The following SHOX variants were observed in gnomAD, a reference collection of about 807,000 sequenced individuals.
SHOX encodes the protein short stature homeobox protein.
Under a neutral mutation model 29.6 loss-of-function variants are expected in SHOX, and 12 were observed. The observed-to-expected ratio is 0.41, with a 90% CI of 0.26 to 0.66. The LOEUF (loss-of-function observed/expected upper bound fraction) is 0.66, where lower values mean the gene tolerates loss of function less well. Ranked by LOEUF, SHOX falls within the 30% of genes least tolerant of loss-of-function variation. SHOX has a pLI of 0.35. For missense variants in SHOX, 499 were observed against 437.7 expected (o/e 1.14, Z -1.25); for synonymous variants, 214 against 200.6 (o/e 1.07, Z -0.57).
chrX:630,768 A>C, upstream of SHOX: 1 of 1,169,128 alleles, frequency 8.6e-7, no homozygotes, highest in Non-Finnish European at 1.3e-6. Context: ...GCGTATAAAT[A>C]GTGAGATTTC....
chrX:638,005 T>A (rs1023985960), intron 2 of SHOX, among the ~76,000 whole-genome samples: 2 of 152,160 alleles, frequency 1.3e-5, no homozygotes, highest in Non-Finnish European at 2.9e-5. Flanking sequence ...ACAAATATCT[T>A]TGGGTTTATG....
At chrX:634,870 TGGTCCTCG>T in intron 2 of SHOX, 44 bp downstream of exon 2, 1 of 1,536,876 alleles carries the variant, frequency 6.5e-7, no homozygotes, top group Non-Finnish European at 8.8e-7. Flanking sequence ...AGCCATCGCC[TGGTCCTCG>T]GGAGCGCACA....
rs751747648 is a variant in SHOX, at chrX:630,998, C to G, written c.101C>G (p.Thr34Arg). ...GGGGGKKDSI[T>R]YREVLESGLA... ...GGCGGAGGTAAGAAGGATTCCATTA[C>G]GTACCGGGAAGTTTTGGAGAGCGGA... Residue 34 changes from threonine to arginine, a missense_variant, in exon 1 of 5, where the codon ACG becomes AGG. Coordinates refer to ENST00000686671, the MANE Select transcript of SHOX (RefSeq NM_000451.4). The G allele has an allele frequency of 1.2e-6, 2 of 1,613,886 alleles. No homozygotes were observed. The highest frequency in any genetic ancestry group is 1.7e-5 in the Admixed American group (1 of 60,022).
intron 2 of SHOX, among the ~76,000 whole-genome samples, chrX:635,171 C>T (rs1158533281): frequency 6.6e-6 from 1 of 152,094 alleles, no homozygotes; most frequent in Non-Finnish European, 1.5e-5. Context: ...CATATATTGG[C>T]TCCTGACTGC....
intron 2 of SHOX, among the ~76,000 whole-genome samples, chrX:635,949 G>T (rs780583658): frequency 6.6e-6 from 1 of 152,054 alleles, no homozygotes; most frequent in Admixed American, 6.6e-5. Context: ...TTGCCGACCA[G>T]AGAGAGAACC....
At chrX:651,641 GA>G (rs553983413), downstream of SHOX, among the ~76,000 whole-genome samples, 47,920 of 107,474 alleles carry the variant, frequency 0.45, 10,701 homozygotes, top group East Asian at 0.62. Flanking sequence ...AGGCTTATTG[GA>G]AAAAAAAAAA....
chrX:653,219 C>T (rs1465835077), downstream of SHOX, among the ~76,000 whole-genome samples: 3 of 152,028 alleles, frequency 2.0e-5, no homozygotes, highest in African/African-American at 4.8e-5. Flanking sequence ...CCAGCCTGGG[C>T]GACAGAGCCA....
chrX:634,317 C>G (rs2052702032), intron 1 of SHOX, among the ~76,000 whole-genome samples: 1 of 147,908 alleles, frequency 6.8e-6, no homozygotes, highest in South Asian at 2.2e-4. Context: ...TTTGACACCC[C>G]ACTCTCCTTA....
chrX:641,669 G>A (rs1313023205), intron 4 of SHOX, among the ~76,000 whole-genome samples: 2 of 133,128 alleles, frequency 1.5e-5, no homozygotes, highest in African/African-American at 5.9e-5. Flanking sequence ...GACAGAGTGA[G>A]ACTCCAAGAC....
upstream of SHOX, among the ~76,000 whole-genome samples, chrX:627,046 T>G (rs912462583): frequency 4.8e-5 from 6 of 124,638 alleles, no homozygotes; most frequent in African/African-American, 1.3e-4. Flanking sequence ...TCTCTGTGAC[T>G]CTTTCCCTCT....
intron 1 of SHOX, 148 bp downstream of exon 1, chrX:631,322 A>G: frequency 9.3e-7 from 1 of 1,070,214 alleles, no homozygotes; most frequent in Non-Finnish European, 1.4e-6. Context: ...GCTTTGCCTA[A>G]GAAAGGAAGG....
chrX:631,056 T>C lies in SHOX; in HGVS notation c.159T>C (p.Asp53=). 6.2e-7 allele frequency: 1 copy of C among 1,613,712 alleles called. No individual in the cohort carries two copies. The highest frequency in any genetic ancestry group is 8.5e-7 in the Non-Finnish European group (1 of 1,179,838). The change falls in exon 1 of 5, where the codon GAT becomes GAC. Residue 53 remains aspartate (D), a synonymous_variant. Coordinates refer to ENST00000686671, the MANE Select transcript of SHOX (RefSeq NM_000451.4). ...LARSRELGTS[D]SSLQDITEGG... is the part of the protein sequence containing the mutation. Reference sequence around the variant, plus strand: ...GCTCCCGGGAGCTGGGGACGTCGGATTCCAGCCTCCAGGACATCACGGAGG... The same window carrying C: ...GCTCCCGGGAGCTGGGGACGTCGGACTCCAGCCTCCAGGACATCACGGAGG...
At chrX:635,642 G>T (rs1048790200) in intron 2 of SHOX, among the ~76,000 whole-genome samples, 1 of 152,192 alleles carries the variant, frequency 6.6e-6, no homozygotes, top group Non-Finnish European at 1.5e-5. Flanking sequence ...GCACTGGGGG[G>T]CGGAGGGGCC....
chrX:640,770 G>T, intron 2 of SHOX, 51 bp from the exon 3 acceptor site: 1 of 1,603,144 alleles, frequency 6.2e-7, no homozygotes, highest in Non-Finnish European at 8.5e-7. Flanking sequence ...CCCTGGGGAG[G>T]CTGGGCTGGG....
At chrX:643,670 GGA>G (rs1161030877) in intron 4 of SHOX, among the ~76,000 whole-genome samples, 3 of 114,024 alleles carry the variant, frequency 2.6e-5, no homozygotes, top group Admixed American at 8.4e-5. Flanking sequence ...TGGTGTCTCG[GGA>G]GAGAGCCTTG....
In SHOX at chrX:651,323, C is replaced by T. The variant is rs192751450; in HGVS notation, c.*6687C>T. 5.0e-5 allele frequency: 23 copies of T among 455,606 alleles called. 1 individual carries two copies. The highest frequency in any genetic ancestry group is 3.3e-4 in the Middle Eastern group (1 of 3,068). 28.2% of individuals were successfully genotyped at this position (455,606 alleles called of 1,614,324 possible). A position where few individuals can be genotyped will look rare whatever the true frequency, so the allele number is the denominator to read the frequency against. On this transcript the variant is annotated 3_prime_UTR_variant, in exon 5 of 5. Transcript: ENST00000686671. The stretch of plus-strand genomic sequence containing the variant: ...CTTCAGATGAAAACAAATCACACAC[C>T]GTTTCCCAAACCAACAGTCTTCACA...
intron 1 of SHOX, 96 bp from the exon 2 acceptor site, chrX:634,522 G>C (rs762601288): frequency 3.0e-6 from 4 of 1,347,986 alleles, no homozygotes; most frequent in South Asian, 1.2e-5. Context: ...ATTGGTTTTC[G>C]AGGGCCCCCT....
intron 4 of SHOX, among the ~76,000 whole-genome samples, chrX:643,368 CCGGGAGAGGCT>C (rs2052898429): frequency 6.9e-6 from 1 of 144,764 alleles, no homozygotes. Flanking sequence ...ACTTGGTGTC[CCGGGAGAGGCT>C]TGGACACCTG....
intron 1 of SHOX, 70 bp downstream of exon 1, chrX:631,244 G>GC (rs1195871992): frequency 7.7e-6 from 12 of 1,553,294 alleles, no homozygotes; most frequent in African/African-American, 1.4e-5. Flanking sequence ...CACGGAGTCG[G>GC]CCCCGCGCGC....
Sources: allele counts gnomAD v4.1 joint callset (sites outside exome capture counted in the v4.1 genomes callset), GRCh38; gene constraint gnomAD v4.1.1; transcripts MANE v1.5; gene names NCBI Gene and HGNC (gene_info 2026-07-23, HGNC 2026-07-21).